The following DNAJA3 variants were observed in gnomAD, a reference collection of about 807,000 sequenced individuals.
DNAJA3 encodes dnaJ homolog subfamily A member 3, mitochondrial.
A neutral mutation model predicts 54.9 loss-of-function variants in DNAJA3; 29 were observed. The ratio of observed to expected loss-of-function variants is 0.53; its 90% CI spans 0.39 to 0.72. The LOEUF is 0.72. DNAJA3 is among the 30% of genes least tolerant of loss of function. DNAJA3 has a pLI of 0.00. For synonymous variants in DNAJA3, 302 were observed against 251.4 expected (o/e 1.20, Z -1.90); for missense variants, 708 against 639.4 (o/e 1.11, Z -1.16).
chr16:4,451,508 G>T (rs1320160041), intron 10 of DNAJA3, among the ~76,000 whole-genome samples: 1 of 152,050 alleles, frequency 6.6e-6, no homozygotes, highest in African/African-American at 2.4e-5. Context: ...TGTAATCCCA[G>T]CACTTTGGGA....
At chr16:4,453,860 A>G (rs1236750957) in intron 10 of DNAJA3, among the ~76,000 whole-genome samples, 1 of 152,034 alleles carries the variant, frequency 6.6e-6, no homozygotes, top group East Asian at 1.9e-4. Context: ...TGAGGCCTTT[A>G]CTCTTTTATG....
chr16:4,452,188 C>T (rs1462410937), intron 10 of DNAJA3, among the ~76,000 whole-genome samples: 2 of 152,044 alleles, frequency 1.3e-5, no homozygotes, highest in African/African-American at 4.8e-5. Flanking sequence ...ATCTTTTGTT[C>T]TTGTTGTATC....
intron 6 of DNAJA3, 129 bp downstream of exon 6, chr16:4,443,293 G>C: frequency 8.1e-7 from 1 of 1,234,270 alleles, no homozygotes; most frequent in Non-Finnish European, 1.1e-6. Context: ...CTTGGTAGAA[G>C]TTATGGTTGA....
intron 9 of DNAJA3, 142 bp from the exon 10 acceptor site, chr16:4,450,258 C>T (rs1289457830): frequency 1.6e-6 from 1 of 615,034 alleles, no homozygotes; most frequent in South Asian, 2.1e-5. Context: ...TAGGTTCTCA[C>T]CGCTGCACTG....
Position 4,426,047 on chromosome 16 carries a change from G to A in DNAJA3, c.166G>A (p.Gly56Ser), listed in dbSNP as rs761648356. Reference sequence around the variant, plus strand: ...CTTTGCGTCTTCCCTGACCTCTTGCGGCCCCCGAGCGCTGCTGACATTGAG... The same window carrying A: ...CTTTGCGTCTTCCCTGACCTCTTGCAGCCCCCGAGCGCTGCTGACATTGAG... ...PAFASSLTSCGPRALLTLRPG... is the reference protein window; with the variant it reads ...PAFASSLTSCSPRALLTLRPG... The change falls in exon 1 of 12, where the codon GGC (glycine) becomes AGC (serine). Residue 56 changes from glycine (G) to serine (S), a missense_variant. Coordinates refer to ENST00000262375, the MANE Select transcript of DNAJA3 (RefSeq NM_005147.6). The A allele has an allele frequency of 2.5e-6, 4 of 1,604,562 alleles. No homozygotes were observed. Among genetic ancestry groups the A allele is most frequent in the African/African-American group, 1.4e-5 (1 of 73,624 alleles).
At chr16:4,442,636 C>T (rs8057950) in intron 5 of DNAJA3, 7 of 547,894 alleles carry the variant, frequency 1.3e-5, no homozygotes, top group East Asian at 6.3e-5. Flanking sequence ...GCTCCGGGGG[C>T]GGGGCGGGGG....
chr16:4,426,318 C>G (rs994505609), intron 1 of DNAJA3, among the ~76,000 whole-genome samples: 1 of 152,182 alleles, frequency 6.6e-6, no homozygotes, highest in African/African-American at 2.4e-5. Context: ...TGATGAAACG[C>G]CCCGTAGATC....
intron 1 of DNAJA3, among the ~76,000 whole-genome samples, chr16:4,428,036 C>T (rs1436568282): frequency 6.6e-6 from 1 of 151,812 alleles, no homozygotes; most frequent in Non-Finnish European, 1.5e-5. Context: ...ACTGCAAGCT[C>T]CGCCTCCCGG....
At position 4,446,974 on chromosome 16, in the gene DNAJA3, C is replaced by T. The variant is rs758942282; in HGVS notation, c.1085C>T (p.Thr362Ile). Residue 362 changes from threonine (T) to isoleucine (I), a missense_variant, in exon 8 of 12, where the codon ACA (threonine) becomes ATA (isoleucine). Thr to Ile is a moderately conservative substitution (Grantham distance 89). Transcript: ENST00000262375. ...ATAGCTCAGGCTCTTCTTGGGGGTA[C>T]AGCCAGAGCCCAGGGCCTGTACGAG... ...ISIAQALLGGTARAQGLYETI... is the reference protein window; with the variant it reads ...ISIAQALLGGIARAQGLYETI... 44 of 1,614,154 alleles carry T rather than the reference C, an allele frequency of 2.7e-5. No homozygotes were observed. In the South Asian group the frequency reaches 3.8e-4, roughly 14 times the overall value.
chr16:4,447,126 G>C (rs1330066038), intron 8 of DNAJA3, 112 bp downstream of exon 8: 1 of 1,294,166 alleles, frequency 7.7e-7, no homozygotes, highest in Non-Finnish European at 1.1e-6. Flanking sequence ...CATGTGGGGG[G>C]GCACTCACAG....
At chr16:4,451,220 G>A (rs1021108089) in intron 10 of DNAJA3, among the ~76,000 whole-genome samples, 1 of 152,168 alleles carries the variant, frequency 6.6e-6, no homozygotes, top group South Asian at 2.1e-4. Flanking sequence ...TGGTTCAGGC[G>A]GCATGTATTT....
At chr16:4,444,572 GATC>G in intron 6 of DNAJA3, 89 bp from the exon 7 acceptor site, 1 of 1,084,434 alleles carries the variant, frequency 9.2e-7, no homozygotes, top group Non-Finnish European at 1.4e-6. Flanking sequence ...TTGACGTCAT[GATC>G]TGCCCGCCTC....
At chr16:4,434,552 G>A (rs1424044875) in intron 2 of DNAJA3, 35 bp downstream of exon 2, 6 of 1,602,574 alleles carry the variant, frequency 3.7e-6, no homozygotes, top group Non-Finnish European at 5.1e-6. Flanking sequence ...TGACCAAATT[G>A]TAGTAGGAAT....
At chr16:4,451,749 T>C (rs2056980357) in intron 10 of DNAJA3, among the ~76,000 whole-genome samples, 1 of 84,252 alleles carries the variant, frequency 1.2e-5, no homozygotes. Flanking sequence ...AGTGAGACTC[T>C]CTGAAAAAAA....
intron 1 of DNAJA3, chr16:4,426,909 C>G (rs536054482): frequency 1.3e-5 from 2 of 151,952 alleles, no homozygotes; most frequent in South Asian, 4.2e-4. Flanking sequence ...GTCATGTTTT[C>G]TTTTCTTTTC....
intron 3 of DNAJA3, chr16:4,440,329 GCT>G (rs2056823275): frequency 6.6e-6 from 1 of 152,022 alleles, no homozygotes; most frequent in Admixed American, 6.6e-5. Flanking sequence ...GGTGGCTCAC[GCT>G]TGTAATCCCA....
intron 9 of DNAJA3, 62 bp from the exon 10 acceptor site, chr16:4,450,338 T>C: frequency 2.8e-6 from 4 of 1,414,896 alleles, no homozygotes; most frequent in Non-Finnish European, 3.9e-6. Context: ...GCTGGCTGCC[T>C]GTGAGTTCTT....
intron 6 of DNAJA3, among the ~76,000 whole-genome samples, chr16:4,444,345 CTTTTTTT>C (rs1290640054): frequency 7.3e-6 from 1 of 137,424 alleles, no homozygotes; most frequent in Admixed American, 7.3e-5. Context: ...TTTTTCTTTT[CTTTTTTT>C]TTTTTTTTTT....
At chr16:4,434,558 G>T (rs763564390) in intron 2 of DNAJA3, 41 bp downstream of exon 2, 2 of 1,600,054 alleles carry the variant, frequency 1.2e-6, no homozygotes, top group Admixed American at 3.5e-5. Context: ...AATTGTAGTA[G>T]GAATGTTGTT....
Sources: allele counts gnomAD v4.1 joint callset (sites outside exome capture counted in the v4.1 genomes callset), GRCh38; gene constraint gnomAD v4.1.1; transcripts MANE v1.5; gene names NCBI Gene and HGNC (gene_info 2026-07-23, HGNC 2026-07-21).